Variants in CADM1 observed in about 807,000 individuals in gnomAD.
CADM1 encodes the protein TSLC-1.
Under a neutral mutation model 53.1 loss-of-function variants are expected in CADM1, and 15 were observed. That is an observed-to-expected ratio of 0.28 (90% confidence interval 0.19 to 0.44). The LOEUF is 0.44. Ranked by LOEUF, CADM1 falls within the 20% of genes least tolerant of loss-of-function variation. The probability of loss-of-function intolerance (pLI) is 1.00; values close to 1 mark genes in which losing one functional copy is unlikely to be tolerated. For synonymous variants in CADM1, 281 were observed against 243.0 expected (o/e 1.16, Z -1.45); for missense variants, 434 against 611.3 (o/e 0.71, Z 3.06).
At chr11:115,195,582 T>A (rs1565290237) in intron 9 of CADM1, among the ~76,000 whole-genome samples, 1 of 152,164 alleles carries the variant, frequency 6.6e-6, no homozygotes. Flanking sequence ...ACAACAAACA[T>A]CTCGAGATTA....
chr11:115,169,455 C>T lies in CADM1; in HGVS notation c.*7019G>A, dbSNP rs1938719807. On this transcript the variant is annotated 3_prime_UTR_variant, in exon 12 of 12. Transcript: ENST00000331581. ...GAATGTTATACAATTTCAGCAGCAG[C>T]AATGGGCTTTGGCAGGGAAGTAGGA... 2 of 383,308 alleles carry T rather than the reference C, an allele frequency of 5.2e-6. No individual in the cohort carries two copies. Among genetic ancestry groups the T allele is most frequent in the Non-Finnish European group, 5.1e-6 (1 of 194,310 alleles). The allele number at this position is 383,308 out of a possible 1,614,324, so 23.7% of individuals were successfully genotyped here.
chr11:115,468,876 G>A (rs908289676), intron 1 of CADM1, among the ~76,000 whole-genome samples: 1 of 152,182 alleles, frequency 6.6e-6, no homozygotes, highest in Non-Finnish European at 1.5e-5. Flanking sequence ...CATGGCAGAA[G>A]GCAAAGGAGG....
chr11:115,238,561 T>C lies in CADM1; in HGVS notation c.363A>G (p.Arg121=). The part of the protein sequence containing the change: ...LTNVSISDEG[R]YFCQLYTDPP... ...GATCGGTATAGAGCTGGCAAAAGTA[T>C]CTTCCTTCATCAGAAATTGAGACGT... The change falls in exon 3 of 12, where the codon AGA becomes AGG. Residue 121 remains arginine, a synonymous_variant. Coordinates refer to ENST00000331581, the MANE Select transcript of CADM1 (RefSeq NM_001301043.2). The C allele has an allele frequency of 6.2e-7, 1 of 1,613,948 alleles. No homozygotes were observed. The highest frequency in any genetic ancestry group is 1.1e-5 in the South Asian group (1 of 91,082).
At chr11:115,256,078 T>C (rs570411162) in intron 1 of CADM1, among the ~76,000 whole-genome samples, 6 of 152,184 alleles carry the variant, frequency 3.9e-5, no homozygotes, top group Non-Finnish European at 7.4e-5. Flanking sequence ...ATTAGGCCAG[T>C]GAAGACAAAA....
At chr11:115,445,633 C>A in intron 1 of CADM1, 1 of 293,422 alleles carries the variant, frequency 3.4e-6, no homozygotes, top group Non-Finnish European at 6.8e-6. Context: ...TACCTGAGGC[C>A]AGGAGTTTGA....
intron 1 of CADM1, among the ~76,000 whole-genome samples, chr11:115,427,292 TAAAC>T (rs1947915111): frequency 6.6e-6 from 1 of 152,094 alleles, no homozygotes; most frequent in African/African-American, 2.4e-5. Flanking sequence ...GGGGAACAGC[TAAAC>T]AAACAGAGGT....
At chr11:115,373,722 A>C (rs377535618) in intron 1 of CADM1, among the ~76,000 whole-genome samples, 1 of 152,070 alleles carries the variant, frequency 6.6e-6, no homozygotes, top group East Asian at 1.9e-4. Context: ...CGTAAAAAAT[A>C]GATCAGTGGT....
At chr11:115,250,146 G>A (rs1434132514) in intron 1 of CADM1, among the ~76,000 whole-genome samples, 1 of 152,096 alleles carries the variant, frequency 6.6e-6, no homozygotes, top group African/African-American at 2.4e-5. Flanking sequence ...CTCGTGATCT[G>A]CCTGCCTCAG....
intron 1 of CADM1, among the ~76,000 whole-genome samples, chr11:115,241,318 C>CAA (rs1200912154): frequency 2.0e-5 from 3 of 152,166 alleles, no homozygotes; most frequent in African/African-American, 7.2e-5. Flanking sequence ...CTCCAGTGTT[C>CAA]AATGTCACAC....
intron 1 of CADM1, among the ~76,000 whole-genome samples, chr11:115,336,771 T>C (rs1457425888): frequency 6.6e-6 from 1 of 152,116 alleles, no homozygotes; most frequent in East Asian, 1.9e-4. Context: ...AGTATGAGTG[T>C]TTTTCCAACT....
intron 3 of CADM1, among the ~76,000 whole-genome samples, chr11:115,234,075 C>G (rs1336009043): frequency 6.6e-6 from 1 of 152,184 alleles, no homozygotes; most frequent in Non-Finnish European, 1.5e-5. Flanking sequence ...GTGGAATTTA[C>G]CCTCAAACAT....
At chr11:115,402,389 G>A (rs948259330) in intron 1 of CADM1, among the ~76,000 whole-genome samples, 14 of 152,132 alleles carry the variant, frequency 9.2e-5, no homozygotes, top group African/African-American at 2.9e-4. Flanking sequence ...TGGGTGTGGT[G>A]GTGCGTGCCT....
chr11:115,211,272 C>T (rs1475233651), intron 7 of CADM1, among the ~76,000 whole-genome samples: 1 of 151,912 alleles, frequency 6.6e-6, no homozygotes, highest in Non-Finnish European at 1.5e-5. Context: ...TATAAATGAA[C>T]CAAGTGCACT....
intron 1 of CADM1, among the ~76,000 whole-genome samples, chr11:115,257,534 GA>G (rs1299665478): frequency 6.6e-6 from 1 of 152,192 alleles, no homozygotes; most frequent in Non-Finnish European, 1.5e-5. Context: ...ACTGTAACCA[GA>G]GGAGCATAGG....
At chr11:115,374,551 A>G (rs1163193690) in intron 1 of CADM1, among the ~76,000 whole-genome samples, 4 of 152,154 alleles carry the variant, frequency 2.6e-5, no homozygotes, top group Non-Finnish European at 5.9e-5. Flanking sequence ...GAATAAATCT[A>G]CGCAGTGATC....
intron 1 of CADM1, among the ~76,000 whole-genome samples, chr11:115,306,072 C>CCCCACACACACACACACACACACACA (rs1555060495): frequency 5.4e-5 from 7 of 130,432 alleles, no homozygotes; most frequent in Admixed American, 4.1e-4. Context: ...AGGATATATA[C>CCCCACACACACACACACACACACACA]CACACACACA....
intron 1 of CADM1, among the ~76,000 whole-genome samples, chr11:115,265,797 G>C (rs1275542721): frequency 6.6e-6 from 1 of 152,132 alleles, no homozygotes; most frequent in Non-Finnish European, 1.5e-5. Flanking sequence ...TTGGTGTAAA[G>C]TCCAGGTCTT....
chr11:115,395,795 T>A (rs1485161969), intron 1 of CADM1, among the ~76,000 whole-genome samples: 1 of 152,202 alleles, frequency 6.6e-6, no homozygotes, highest in African/African-American at 2.4e-5. Flanking sequence ...CCAACTTTTT[T>A]TAAAAAAGAC....
intron 1 of CADM1, among the ~76,000 whole-genome samples, chr11:115,456,466 T>C (rs984503612): frequency 6.6e-6 from 1 of 152,168 alleles, no homozygotes; most frequent in Non-Finnish European, 1.5e-5. Flanking sequence ...CTCAATTTGA[T>C]TTTATATAAT....
Sources: allele counts gnomAD v4.1 joint callset (sites outside exome capture counted in the v4.1 genomes callset), GRCh38; gene constraint gnomAD v4.1.1; transcripts MANE v1.5; gene names NCBI Gene and HGNC (gene_info 2026-07-23, HGNC 2026-07-21).